Variants in RORA observed in about 807,000 individuals in gnomAD.
RORA encodes RAR related orphan receptor A.
A neutral mutation model predicts 69.5 loss-of-function variants in RORA; 7 were observed. The ratio of observed to expected loss-of-function variants is 0.10; its 90% CI spans 0.06 to 0.19. The LOEUF (loss-of-function observed/expected upper bound fraction) is 0.19. Ranked by LOEUF, RORA falls within the 10% of genes least tolerant of loss-of-function variation. The probability of loss-of-function intolerance (pLI) is 1.00; values close to 1 mark genes in which losing one functional copy is unlikely to be tolerated. For synonymous variants in RORA, 261 were observed against 240.8 expected, an observed-to-expected ratio of 1.08 and a Z score of -0.78; for missense variants, 457 against 663.0, an observed-to-expected ratio of 0.69 and a Z score of 3.41.
intron 1 of RORA, among the ~76,000 whole-genome samples, chr15:60,881,622 G>A (rs1036392386): frequency 1.3e-5 from 2 of 152,208 alleles, no homozygotes; most frequent in Non-Finnish European, 2.9e-5. Context: ...AGAAGAGAGA[G>A]AGAGAGAGAG....
intron 2 of RORA, among the ~76,000 whole-genome samples, chr15:60,558,935 T>C (rs1171110755): frequency 6.6e-6 from 1 of 152,210 alleles, no homozygotes; most frequent in African/African-American, 2.4e-5. Flanking sequence ...TAGAAAAGTG[T>C]GCAATATTTA....
At chr15:61,069,490 G>A (rs928568386) in intron 1 of RORA, among the ~76,000 whole-genome samples, 4 of 152,258 alleles carry the variant, frequency 2.6e-5, no homozygotes, top group Non-Finnish European at 2.9e-5. Context: ...AGGATGCAGC[G>A]TCCAGGGAAA....
chr15:61,181,026 C>G (rs964001274), intron 1 of RORA, among the ~76,000 whole-genome samples: 8 of 151,378 alleles, frequency 5.3e-5, no homozygotes, highest in Non-Finnish European at 1.2e-4. Context: ...ATCGTTTGAA[C>G]CTGGGAGGCA....
At chr15:60,947,559 G>A (rs1265749433) in intron 1 of RORA, among the ~76,000 whole-genome samples, 1 of 151,896 alleles carries the variant, frequency 6.6e-6, no homozygotes, top group Non-Finnish European at 1.5e-5. Context: ...CACTGCGGAA[G>A]GCCCCAGGGT....
intron 1 of RORA, among the ~76,000 whole-genome samples, chr15:61,068,978 G>C (rs2689355): frequency 0.76 from 115,508 of 152,152 alleles, 44,352 homozygotes; most frequent in African/African-American, 0.86. Flanking sequence ...AATTCAGGGT[G>C]GGTCTTCTTT....
intron 1 of RORA, among the ~76,000 whole-genome samples, chr15:60,701,965 A>G (rs1004729678): frequency 5.3e-5 from 8 of 152,174 alleles, no homozygotes; most frequent in African/African-American, 1.9e-4. Flanking sequence ...GGAACGCTTA[A>G]TTGATCAACT....
At chr15:60,846,803 C>T (rs1358013317) in intron 1 of RORA, among the ~76,000 whole-genome samples, 3 of 152,234 alleles carry the variant, frequency 2.0e-5, no homozygotes, top group Non-Finnish European at 4.4e-5. Context: ...TTCTAATAAA[C>T]ATTGCTATTG....
intron 8 of RORA, 133 bp from the exon 9 acceptor site, chr15:60,501,202 G>A: frequency 3.2e-6 from 2 of 619,426 alleles, no homozygotes; most frequent in Non-Finnish European, 5.8e-6. Context: ...GGAAGGTGAA[G>A]AGAGATCTAG....
At chr15:60,670,630 T>C (rs907495211) in intron 2 of RORA, among the ~76,000 whole-genome samples, 3 of 152,134 alleles carry the variant, frequency 2.0e-5, no homozygotes, top group African/African-American at 7.2e-5. Flanking sequence ...CACTCCTACA[T>C]AGAAAAACAT....
intron 1 of RORA, among the ~76,000 whole-genome samples, chr15:60,978,959 C>CCCTTTTTTTTTTTTTT (rs1423510527): frequency 4.1e-5 from 2 of 48,988 alleles, no homozygotes; most frequent in African/African-American, 1.5e-4. Flanking sequence ...TCCAACTTTG[C>CCCTTTTTTTTTTTTTT]TCTTTTTTTT....
chr15:60,982,717 C>A (rs572572374), intron 1 of RORA, among the ~76,000 whole-genome samples: 1 of 152,104 alleles, frequency 6.6e-6, no homozygotes, highest in African/African-American at 2.4e-5. Context: ...CACAGTTTTG[C>A]TTTTTTCATT....
chr15:61,156,341 C>T (rs1389925181), intron 1 of RORA, among the ~76,000 whole-genome samples: 2 of 152,104 alleles, frequency 1.3e-5, no homozygotes, highest in Non-Finnish European at 2.9e-5. Context: ...AAGGAGGCTG[C>T]CTGAGATAGT....
intron 1 of RORA, among the ~76,000 whole-genome samples, chr15:61,158,686 A>G (rs2079467389): frequency 6.6e-6 from 1 of 152,186 alleles, no homozygotes; most frequent in African/African-American, 2.4e-5. Flanking sequence ...ATAGAGACCC[A>G]AAGAGGCTCA....
At chr15:60,859,793 A>T (rs958662657) in intron 1 of RORA, among the ~76,000 whole-genome samples, 5 of 151,688 alleles carry the variant, frequency 3.3e-5, no homozygotes, top group Non-Finnish European at 5.9e-5. Context: ...TACTTAATCA[A>T]TATTTGTGGA....
At chr15:60,737,445 T>C (rs1371395742) in intron 1 of RORA, among the ~76,000 whole-genome samples, 1 of 152,180 alleles carries the variant, frequency 6.6e-6, no homozygotes, top group Non-Finnish European at 1.5e-5. Context: ...GTGTGGCCTC[T>C]GGACCAGCGG....
chr15:60,937,854 G>T (rs968536685), intron 1 of RORA, among the ~76,000 whole-genome samples: 1 of 152,176 alleles, frequency 6.6e-6, no homozygotes, highest in South Asian at 2.1e-4. Context: ...CTCGCAGTTA[G>T]GACCAATGAA....
At chr15:60,563,286 C>A (rs2067629512) in intron 2 of RORA, among the ~76,000 whole-genome samples, 1 of 152,140 alleles carries the variant, frequency 6.6e-6, no homozygotes, top group South Asian at 2.1e-4. Context: ...CCTTTTATAC[C>A]TCTTGGCCTA....
chr15:60,885,975 G>A (rs1460696363), intron 1 of RORA, among the ~76,000 whole-genome samples: 2 of 152,230 alleles, frequency 1.3e-5, no homozygotes, highest in Non-Finnish European at 2.9e-5. Flanking sequence ...CAGCTTCTCT[G>A]CTGCCTCATT....
In RORA at chr15:60,558,255, T is replaced by C. The variant is rs751890241; in HGVS notation, c.197-26404A>G. On this transcript the variant is annotated intron_variant, in intron 2 of 10. Coordinates refer to ENST00000335670, the MANE Select transcript of RORA (RefSeq NM_134261.3). Reference sequence around the variant, plus strand: ...CGCCAGTAAGAACAAAAGCATCACCTGAAGACAGGATACACTGATGGAGTA... The same window carrying C: ...CGCCAGTAAGAACAAAAGCATCACCCGAAGACAGGATACACTGATGGAGTA... 4.3e-6 allele frequency: 7 copies of C among 1,612,232 alleles called. No individual in the cohort carries two copies. The South Asian group carries it at 7.7e-5, about 18-fold the overall frequency.
Sources: gnomAD v4.1 joint callset for allele counts (sites outside exome capture counted in the v4.1 genomes callset) on GRCh38, gnomAD v4.1.1 for gene constraint, MANE v1.5 for transcripts, NCBI Gene and HGNC (gene_info 2026-07-23, HGNC 2026-07-21) for gene names.